The following ZMAT4 variants were observed in gnomAD, a reference collection of about 807,000 sequenced individuals.
ZMAT4 encodes zinc finger matrin-type protein 4.
ZMAT4 carries 17 observed loss-of-function variants against 28.7 expected under a neutral mutation model. That is an observed-to-expected ratio of 0.59 (90% CI 0.41 to 0.89). The LOEUF (loss-of-function observed/expected upper bound fraction) is 0.89. ZMAT4 is among the 40% of genes least tolerant of loss of function. The pLI is 0.00. For missense variants in ZMAT4, 240 were observed against 283.8 expected (o/e 0.85, Z 1.11); for synonymous variants, 117 against 109.2 (o/e 1.07, Z -0.44).
chr8:40,583,968 T>C (rs1437336893), intron 5 of ZMAT4, among the ~76,000 whole-genome samples: 3 of 152,190 alleles, frequency 2.0e-5, no homozygotes, highest in Admixed American at 2.0e-4. Flanking sequence ...TGGATGACTT[T>C]GAATTCTGTC....
At chr8:40,753,222 A>G (rs1216095390) in intron 3 of ZMAT4, among the ~76,000 whole-genome samples, 2 of 152,152 alleles carry the variant, frequency 1.3e-5, no homozygotes, top group Non-Finnish European at 2.9e-5. Context: ...CCCTGCAAAG[A>G]ACATGAACTC....
intron 1 of ZMAT4, chr8:40,884,857 G>A (rs1818402433): frequency 6.6e-6 from 1 of 152,190 alleles, no homozygotes; most frequent in Non-Finnish European, 1.5e-5. Flanking sequence ...TCATTTATAT[G>A]TCCTCTATGG....
intron 1 of ZMAT4, among the ~76,000 whole-genome samples, chr8:40,861,249 T>C (rs1440222927): frequency 6.6e-6 from 1 of 152,008 alleles, no homozygotes; most frequent in Admixed American, 6.6e-5. Flanking sequence ...CTGAGAAAAC[T>C]CTCCTGAAAG....
chr8:40,773,397 A>G (rs1813463757), intron 2 of ZMAT4, among the ~76,000 whole-genome samples: 1 of 152,162 alleles, frequency 6.6e-6, no homozygotes, highest in African/African-American at 2.4e-5. Flanking sequence ...AAATCAGAAG[A>G]TTCTAAAAGG....
At chr8:40,818,667 AC>A (rs1815635731) in intron 2 of ZMAT4, among the ~76,000 whole-genome samples, 1 of 152,172 alleles carries the variant, frequency 6.6e-6, no homozygotes, top group South Asian at 2.1e-4. Flanking sequence ...CTCCTTGAAC[AC>A]TTCACCTGCA....
intron 5 of ZMAT4, among the ~76,000 whole-genome samples, chr8:40,606,057 G>A (rs972477623): frequency 5.3e-5 from 8 of 152,096 alleles, no homozygotes; most frequent in East Asian, 1.9e-4. Flanking sequence ...TTCAGTTTAT[G>A]TGAGTCCTTA....
intron 2 of ZMAT4, among the ~76,000 whole-genome samples, chr8:40,788,159 G>C (rs1182650414): frequency 6.6e-6 from 1 of 152,056 alleles, no homozygotes; most frequent in Non-Finnish European, 1.5e-5. Context: ...TCAGGAATGA[G>C]AGATAAAAAA....
Position 40,614,118 on chromosome 8 carries a change from G to A in ZMAT4, c.578-32857C>T, listed in dbSNP as rs532744739. Among the ~76,000 whole-genome samples the A allele has an allele frequency of 1.5e-4, 23 of 152,220 alleles. No individual in the cohort carries two copies. The South Asian group carries it at 1.9e-3, about 12-fold the overall frequency. ...CATGGGTCACTTTTTATTGCTTTGCGTCTTTCTTTGAACCCCCTATGTTTT... is the reference window on the plus strand; with the variant it reads ...CATGGGTCACTTTTTATTGCTTTGCATCTTTCTTTGAACCCCCTATGTTTT... On this transcript the variant is annotated intron_variant, in intron 5 of 6. Transcript: ENST00000297737.
At chr8:40,769,875 C>T (rs1813318362) in intron 2 of ZMAT4, among the ~76,000 whole-genome samples, 1 of 151,388 alleles carries the variant, frequency 6.6e-6, no homozygotes, top group South Asian at 2.1e-4. Context: ...TATTTAATTA[C>T]AGCTAGACAA....
At chr8:40,879,590 G>C (rs1003404374) in intron 1 of ZMAT4, among the ~76,000 whole-genome samples, 3 of 152,026 alleles carry the variant, frequency 2.0e-5, no homozygotes, top group African/African-American at 7.3e-5. Context: ...TCCTAAAAAG[G>C]GGAACGACTC....
intron 1 of ZMAT4, among the ~76,000 whole-genome samples, chr8:40,875,078 G>A (rs1232271583): frequency 1.3e-5 from 2 of 152,164 alleles, no homozygotes; most frequent in African/African-American, 2.4e-5. Flanking sequence ...TATAACCCCT[G>A]CAACATCTGG....
At chr8:40,763,514 T>C (rs1813020460) in intron 3 of ZMAT4, among the ~76,000 whole-genome samples, 1 of 152,126 alleles carries the variant, frequency 6.6e-6, no homozygotes, top group Admixed American at 6.5e-5. Flanking sequence ...AGCCACTATT[T>C]TTACCCTGCC....
chr8:40,669,858 C>A (rs1808595732), intron 5 of ZMAT4, among the ~76,000 whole-genome samples: 1 of 152,240 alleles, frequency 6.6e-6, no homozygotes, highest in Non-Finnish European at 1.5e-5. Flanking sequence ...AAATGATGTG[C>A]AAAACCTTTA....
At chr8:40,595,245 G>A (rs1396431673) in intron 5 of ZMAT4, among the ~76,000 whole-genome samples, 2 of 152,164 alleles carry the variant, frequency 1.3e-5, no homozygotes, top group Non-Finnish European at 2.9e-5. Flanking sequence ...TGGCTTTGGG[G>A]AGAGTAGCAA....
chr8:40,551,500 C>T (rs775570736), intron 6 of ZMAT4, among the ~76,000 whole-genome samples: 3 of 152,134 alleles, frequency 2.0e-5, no homozygotes, highest in Non-Finnish European at 2.9e-5. Context: ...TATTAGTTTT[C>T]ATATAGTAGA....
At chr8:40,573,470 C>T (rs753764244) in intron 6 of ZMAT4, among the ~76,000 whole-genome samples, 7 of 152,144 alleles carry the variant, frequency 4.6e-5, no homozygotes, top group Non-Finnish European at 1.0e-4. Context: ...ATCCAAATCT[C>T]CCTTTCCTTT....
chr8:40,679,607 T>C, intron 4 of ZMAT4, among the ~76,000 whole-genome samples: 1 of 152,152 alleles, frequency 6.6e-6, no homozygotes, highest in African/African-American at 2.4e-5. Context: ...AGAACAACAG[T>C]GTGGGGGTAA....
chr8:40,774,966 G>GTCC (rs1209973180), intron 2 of ZMAT4, among the ~76,000 whole-genome samples: 18 of 152,078 alleles, frequency 1.2e-4, no homozygotes, highest in African/African-American at 4.3e-4. Context: ...CATTCTAATA[G>GTCC]TCCTACCTTA....
chr8:40,844,389 G>A (rs1304586113), intron 1 of ZMAT4, among the ~76,000 whole-genome samples: 1 of 152,152 alleles, frequency 6.6e-6, no homozygotes. Context: ...AGGCAGAGAA[G>A]GGTGAGTTTG....
Sources: gnomAD v4.1 joint callset for allele counts (sites outside exome capture counted in the v4.1 genomes callset) on GRCh38, gnomAD v4.1.1 for gene constraint, MANE v1.5 for transcripts, NCBI Gene and HGNC (gene_info 2026-07-23, HGNC 2026-07-21) for gene names.